Variants in CDK14 observed in about 807,000 individuals in gnomAD.
The protein encoded by CDK14 is cyclin-dependent kinase 14.
In CDK14, 34 loss-of-function variants were observed where a neutral mutation model predicts 60.7. The ratio of observed to expected loss-of-function variants is 0.56; its 90% CI spans 0.43 to 0.75. The LOEUF is 0.75. Among genes scored for constraint, CDK14 ranks in the 30% least tolerant of loss-of-function variants. The probability of loss-of-function intolerance (pLI) is 0.00; values close to 1 mark genes in which losing one functional copy is unlikely to be tolerated. For synonymous variants in CDK14, 197 were observed against 203.7 expected, an observed-to-expected ratio of 0.97 and a Z score of 0.28; for missense variants, 482 against 564.1, an observed-to-expected ratio of 0.85 and a Z score of 1.47.
intron 6 of CDK14, among the ~76,000 whole-genome samples, chr7:90,866,128 T>C (rs1254927535): frequency 1.3e-5 from 2 of 152,058 alleles, no homozygotes; most frequent in Non-Finnish European, 2.9e-5. Flanking sequence ...TAAACTCTTA[T>C]TTCAATTACA....
At chr7:91,103,929 G>T (rs1279377379) in intron 12 of CDK14, among the ~76,000 whole-genome samples, 1 of 151,918 alleles carries the variant, frequency 6.6e-6, no homozygotes, top group Non-Finnish European at 1.5e-5. Flanking sequence ...TAGAAGAGCA[G>T]CATACTGTTA....
At chr7:91,028,804 C>T (rs1796677293) in intron 10 of CDK14, among the ~76,000 whole-genome samples, 1 of 151,770 alleles carries the variant, frequency 6.6e-6, no homozygotes. Context: ...TTGTTTTTTG[C>T]TGGCTGTCTT....
chr7:91,112,420 G>A, intron 12 of CDK14, 122 bp from the exon 13 acceptor site: 7 of 1,026,788 alleles, frequency 6.8e-6, no homozygotes, highest in Non-Finnish European at 7.1e-6. Context: ...GTTTATTTCA[G>A]CAGGTAATTT....
At chr7:91,176,607 TA>T (rs1426266012) in intron 14 of CDK14, among the ~76,000 whole-genome samples, 2 of 151,660 alleles carry the variant, frequency 1.3e-5, no homozygotes, top group Non-Finnish European at 2.9e-5. Flanking sequence ...ATAGACACAA[TA>T]AAAAATGATA....
chr7:90,844,850 G>A (rs374676946), intron 5 of CDK14, among the ~76,000 whole-genome samples: 10 of 152,096 alleles, frequency 6.6e-5, no homozygotes, highest in African/African-American at 2.2e-4. Context: ...CAGTAAGTCC[G>A]GAGGAAAGGT....
At chr7:90,818,942 T>C (rs1421851349) in intron 5 of CDK14, among the ~76,000 whole-genome samples, 1 of 151,986 alleles carries the variant, frequency 6.6e-6, no homozygotes, top group Non-Finnish European at 1.5e-5. Flanking sequence ...AAACTTTTTA[T>C]TTGCTGCCAT....
At chr7:90,915,791 A>G (rs1437065233) in intron 7 of CDK14, among the ~76,000 whole-genome samples, 3 of 152,212 alleles carry the variant, frequency 2.0e-5, no homozygotes, top group Admixed American at 6.5e-5. Context: ...CTCATTACTA[A>G]TATGGAGGTT....
chr7:90,600,426 G>A (rs1799291371), intron 1 of CDK14, among the ~76,000 whole-genome samples: 1 of 152,132 alleles, frequency 6.6e-6, no homozygotes, highest in African/African-American at 2.4e-5. Context: ...TCATTTGAAT[G>A]CATTGCTTCA....
At chr7:91,184,349 A>G (rs1292297178) in intron 14 of CDK14, among the ~76,000 whole-genome samples, 2 of 151,624 alleles carry the variant, frequency 1.3e-5, no homozygotes, top group African/African-American at 2.4e-5. Flanking sequence ...AGAAAACAAC[A>G]TAATGTGGTA....
intron 11 of CDK14, among the ~76,000 whole-genome samples, chr7:91,068,303 G>A (rs914548769): frequency 3.3e-5 from 5 of 152,174 alleles, no homozygotes; most frequent in Non-Finnish European, 5.9e-5. Context: ...TGTAATCGGG[G>A]CTGATCTTCA....
chr7:91,081,422 G>A (rs1724410650), intron 12 of CDK14, among the ~76,000 whole-genome samples: 1 of 152,200 alleles, frequency 6.6e-6, no homozygotes, highest in Admixed American at 6.5e-5. Flanking sequence ...TTGTACAGTG[G>A]TAATAGGTTT....
At chr7:90,975,678 C>A (rs1795050000) in intron 9 of CDK14, among the ~76,000 whole-genome samples, 1 of 151,886 alleles carries the variant, frequency 6.6e-6, no homozygotes, top group Non-Finnish European at 1.5e-5. Flanking sequence ...AGCAAATCTC[C>A]CCCTATACTT....
intron 8 of CDK14, among the ~76,000 whole-genome samples, chr7:90,943,353 G>A (rs1213691834): frequency 6.6e-6 from 1 of 152,116 alleles, no homozygotes; most frequent in Admixed American, 6.5e-5. Context: ...GAGGTAAACA[G>A]AGATAAAAAT....
intron 2 of CDK14, chr7:90,632,052 A>C (rs1800011444): frequency 6.6e-6 from 1 of 152,564 alleles, no homozygotes; most frequent in African/African-American, 2.4e-5. Flanking sequence ...CAATAGCGTA[A>C]TTTTTCTGTT....
At chr7:90,879,437 G>A (rs764128983) in intron 6 of CDK14, among the ~76,000 whole-genome samples, 1 of 152,046 alleles carries the variant, frequency 6.6e-6, no homozygotes, top group Non-Finnish European at 1.5e-5. Flanking sequence ...TTAAAATTCT[G>A]GATAGTGGGG....
At chr7:90,635,835 G>C (rs1456042210) in intron 2 of CDK14, among the ~76,000 whole-genome samples, 2 of 151,672 alleles carry the variant, frequency 1.3e-5, no homozygotes, top group Non-Finnish European at 2.9e-5. Flanking sequence ...AGTTCTCCTT[G>C]AAGAGGTCCT....
intron 10 of CDK14, among the ~76,000 whole-genome samples, chr7:91,033,590 G>C (rs983843073): frequency 5.3e-5 from 8 of 152,236 alleles, no homozygotes; most frequent in African/African-American, 1.9e-4. Context: ...GATGCTGCTA[G>C]TTCATGGACC....
At chr7:90,794,496 G>A (rs933934585) in intron 5 of CDK14, among the ~76,000 whole-genome samples, 1 of 152,092 alleles carries the variant, frequency 6.6e-6, no homozygotes, top group African/African-American at 2.4e-5. Context: ...CCTTGGCAAT[G>A]CATTCTCTTT....
intron 6 of CDK14, among the ~76,000 whole-genome samples, chr7:90,867,681 G>A (rs986045526): frequency 6.6e-5 from 10 of 151,932 alleles, no homozygotes; most frequent in Non-Finnish European, 1.2e-4. Context: ...TTTGGAGGGG[G>A]GTGGATACAA....
Sources: gnomAD v4.1 joint callset for allele counts (sites outside exome capture counted in the v4.1 genomes callset) on GRCh38, gnomAD v4.1.1 for gene constraint, MANE v1.5 for transcripts, NCBI Gene and HGNC (gene_info 2026-07-23, HGNC 2026-07-21) for gene names.